The following P2RX7 variants were observed in gnomAD, a reference collection of about 807,000 sequenced individuals.
The protein encoded by P2RX7 is P2X purinoceptor 7.
In P2RX7, 62 loss-of-function variants were observed where a neutral mutation model predicts 71.6. The observed-to-expected ratio is 0.87, with a 90% confidence interval of 0.71 to 1.07. The LOEUF is 1.07. Ranked by LOEUF, P2RX7 falls within the 50% of genes least tolerant of loss-of-function variation. P2RX7 has a pLI of 0.00. For missense variants in P2RX7, 686 were observed against 748.5 expected, an observed-to-expected ratio of 0.92 and a Z score of 0.97; for synonymous variants, 299 against 283.3, an observed-to-expected ratio of 1.06 and a Z score of -0.56.
At chr12:121,153,206 T>C (rs1311886111) in intron 1 of P2RX7, among the ~76,000 whole-genome samples, 2 of 152,154 alleles carry the variant, frequency 1.3e-5, no homozygotes, top group African/African-American at 4.8e-5. Flanking sequence ...CCCTGGGTGA[T>C]TACACAGCCA....
chr12:121,187,787 G>C lies in P2RX7; in HGVS notation c.*2985G>C, dbSNP rs923015396. 4.6e-5 allele frequency: 7 copies of C among 152,122 alleles called. No individual in the cohort carries two copies. The highest frequency in any genetic ancestry group is 1.7e-4 in the African/African-American group (7 of 41,440). The allele number at this position is 152,122 out of a possible 1,614,324, so 9.4% of individuals were successfully genotyped here. A position where few individuals can be genotyped will look rare whatever the true frequency, so the allele number is the denominator to read the frequency against. On this transcript the variant is annotated 3_prime_UTR_variant, in exon 13 of 13. Coordinates refer to ENST00000328963, the MANE Select transcript of P2RX7 (RefSeq NM_002562.6). ...AAGGTGATGAGAGTCACGTTTTGTA[G>C]GATCTGTTTTCTTATACTTAAAGAC...
At chr12:121,162,987 G>T (rs1383886918) in intron 5 of P2RX7, among the ~76,000 whole-genome samples, 1 of 152,078 alleles carries the variant, frequency 6.6e-6, no homozygotes, top group African/African-American at 2.4e-5. Context: ...GGGGGGGAAG[G>T]AAGTTTTCTC....
intron 9 of P2RX7, among the ~76,000 whole-genome samples, chr12:121,176,934 C>T (rs1231463334): frequency 1.3e-5 from 2 of 152,064 alleles, no homozygotes; most frequent in Middle Eastern, 3.2e-3. Flanking sequence ...CATGTAAAAC[C>T]TTTATGGGTC....
chr12:121,150,177 C>A (rs889925934), intron 1 of P2RX7, among the ~76,000 whole-genome samples: 6 of 152,150 alleles, frequency 3.9e-5, no homozygotes, highest in Non-Finnish European at 8.8e-5. Context: ...CAGTATCCCC[C>A]CCGACAGGTA....
intron 1 of P2RX7, chr12:121,148,962 T>C: frequency 2.2e-6 from 1 of 446,834 alleles, no homozygotes; most frequent in Non-Finnish European, 4.4e-6. Context: ...GGATACACTT[T>C]GGAGGCTCAG....
intron 12 of P2RX7, among the ~76,000 whole-genome samples, chr12:121,181,324 A>AGT (rs1555230770): frequency 6.6e-6 from 1 of 152,214 alleles, no homozygotes; most frequent in Non-Finnish European, 1.5e-5. Flanking sequence ...ACATTTGGGT[A>AGT]GTGTCCAGTT....
intron 1 of P2RX7, among the ~76,000 whole-genome samples, chr12:121,141,606 A>G (rs1874883837): frequency 6.6e-6 from 1 of 152,230 alleles, no homozygotes; most frequent in African/African-American, 2.4e-5. Context: ...TTATTAGAAA[A>G]TATTGAAACA....
intron 8 of P2RX7, among the ~76,000 whole-genome samples, chr12:121,174,407 G>C (rs1882741385): frequency 6.6e-6 from 1 of 152,102 alleles, no homozygotes; most frequent in Non-Finnish European, 1.5e-5. Context: ...GTCCCACCCA[G>C]CTACTTGGGA....
At chr12:121,153,745 A>G (rs1160051469) in intron 1 of P2RX7, among the ~76,000 whole-genome samples, 1 of 152,050 alleles carries the variant, frequency 6.6e-6, no homozygotes, top group Non-Finnish European at 1.5e-5. Flanking sequence ...CCTGGTAACT[A>G]TCTCCTACTG....
At chr12:121,176,228 AACACACACACAC>A (rs56222751) in intron 9 of P2RX7, among the ~76,000 whole-genome samples, 2,140 of 140,832 alleles carry the variant, frequency 0.015, 55 homozygotes, top group African/African-American at 0.053. Flanking sequence ...CAGCCCCTTC[AACACACACACAC>A]ACACACACAC....
intron 9 of P2RX7, among the ~76,000 whole-genome samples, chr12:121,175,776 C>A (rs1883004820): frequency 6.7e-6 from 1 of 148,600 alleles, no homozygotes; most frequent in Non-Finnish European, 1.5e-5. Flanking sequence ...GTAACAGAAT[C>A]CAATTCAAAT....
intron 8 of P2RX7, among the ~76,000 whole-genome samples, chr12:121,167,835 T>C (rs937065837): frequency 2.0e-5 from 3 of 150,716 alleles, no homozygotes; most frequent in African/African-American, 5.0e-5. Flanking sequence ...TTTTTTGAAA[T>C]GGAGTCTCAC....
intron 1 of P2RX7, among the ~76,000 whole-genome samples, chr12:121,151,099 C>T (rs556102882): frequency 7.9e-5 from 12 of 152,304 alleles, no homozygotes; most frequent in Non-Finnish European, 1.6e-4. Flanking sequence ...GTGGCTGCAC[C>T]TGCAGCCTGA....
chr12:121,162,302 G>C (rs1879883308), intron 4 of P2RX7, 122 bp from the exon 5 acceptor site: 2 of 1,467,410 alleles, frequency 1.4e-6, no homozygotes. Flanking sequence ...AGCTGCGTGG[G>C]TTGGAAAGCC....
At position 121,133,118 on chromosome 12, in the gene P2RX7, C is replaced by G. The variant is rs374652050; in HGVS notation, c.125+23C>G. 1.9e-5 allele frequency: 30 copies of G among 1,613,680 alleles called. No homozygotes were observed. In the African/African-American group the frequency reaches 3.9e-4, roughly 21 times the overall value. On this transcript the variant is annotated intron_variant, in intron 1 of 12. Coordinates refer to ENST00000328963, the MANE Select transcript of P2RX7 (RefSeq NM_002562.6). ...TTGGTAAGTGGGATCTGGGGAGGAC[C>G]CAGATCTCTGCAGTGGCCGACAGCA... is the stretch of plus-strand genomic sequence containing the variant.
In P2RX7 at chr12:121,187,503, GCCTTTGTA is replaced by G. The variant is rs1364353695; in HGVS notation, c.*2709_*2716del. On this transcript the variant is annotated 3_prime_UTR_variant, in exon 13 of 13. Coordinates refer to ENST00000328963, the MANE Select transcript of P2RX7 (RefSeq NM_002562.6). ...AAGTTTCCATTCTGATGGCTTCTGG[GCCTTTGTA>G]CCTTTGTTTTTGGTGCCTTATTCCT... is the stretch of plus-strand genomic sequence containing the variant. The G allele has an allele frequency of 3.3e-5, 5 of 152,196 alleles. No homozygotes were observed. The highest frequency in any genetic ancestry group is 7.4e-5 in the Non-Finnish European group (5 of 68,014). 9.4% of individuals were successfully genotyped at this position (152,196 alleles called of 1,614,324 possible). A position where few individuals can be genotyped will look rare whatever the true frequency, so the allele number is the denominator to read the frequency against.
chr12:121,174,454 G>A (rs2136130250), intron 8 of P2RX7, among the ~76,000 whole-genome samples: 1 of 152,224 alleles, frequency 6.6e-6, no homozygotes, highest in South Asian at 2.1e-4. Flanking sequence ...CCAGGAGGTG[G>A]AGGCTGCAGT....
At chr12:121,165,314 T>C (rs774694246) in intron 5 of P2RX7, 43 bp from the exon 6 acceptor site, 2 of 1,523,926 alleles carry the variant, frequency 1.3e-6, no homozygotes, top group Admixed American at 3.3e-5. Context: ...GCTCCCTCGG[T>C]TCCCCCCGTC....
chr12:121,156,568 C>A (rs1878620410), intron 3 of P2RX7, among the ~76,000 whole-genome samples: 1 of 152,172 alleles, frequency 6.6e-6, no homozygotes, highest in Non-Finnish European at 1.5e-5. Flanking sequence ...TGACTTCCCC[C>A]AGGGTCACAC....
Sources: allele counts gnomAD v4.1 joint callset (sites outside exome capture counted in the v4.1 genomes callset), GRCh38; gene constraint gnomAD v4.1.1; transcripts MANE v1.5; gene names NCBI Gene and HGNC (gene_info 2026-07-23, HGNC 2026-07-21).